FMN2: variants seen among roughly 807,000 people sequenced by gnomAD.
The protein encoded by FMN2 is formin 2.
Under a neutral mutation model 142.3 loss-of-function variants are expected in FMN2, and 51 were observed. That is an observed-to-expected ratio of 0.36 (90% confidence interval 0.29 to 0.45). The LOEUF is 0.45. Ranked by LOEUF, FMN2 falls within the 20% of genes least tolerant of loss-of-function variation. FMN2 has a pLI of 1.00. For missense variants in FMN2, 1,936 were observed against 2,122.8 expected (o/e 0.91, Z 1.73); for synonymous variants, 882 against 869.8 (o/e 1.01, Z -0.25).
At chr1:240,245,245 G>A in intron 6 of FMN2, 2 of 279,110 alleles carry the variant, frequency 7.2e-6, no homozygotes, top group Non-Finnish European at 1.4e-5. Context: ...CATTATCAGG[G>A]GCCACTAAAT....
At chr1:240,260,600 G>T (rs746570604) in intron 7 of FMN2, among the ~76,000 whole-genome samples, 1 of 151,950 alleles carries the variant, frequency 6.6e-6, no homozygotes, top group Non-Finnish European at 1.5e-5. Context: ...TGATGGAATT[G>T]TTTGTTTTCT....
intron 7 of FMN2, among the ~76,000 whole-genome samples, chr1:240,286,457 T>C (rs532746949): frequency 9.2e-5 from 14 of 152,282 alleles, no homozygotes; most frequent in African/African-American, 3.1e-4. Context: ...TTACCCTCAG[T>C]TGGACAAGTG....
chr1:240,121,681 G>T (rs534083229), intron 1 of FMN2, among the ~76,000 whole-genome samples: 2 of 131,846 alleles, frequency 1.5e-5, no homozygotes, highest in Non-Finnish European at 3.1e-5. Context: ...GAGCCACCGC[G>T]CCTGGCCCAG....
At chr1:240,332,753 A>C (rs910193926) in intron 11 of FMN2, among the ~76,000 whole-genome samples, 6 of 152,198 alleles carry the variant, frequency 3.9e-5, no homozygotes, top group African/African-American at 1.4e-4. Context: ...CTGTAAAACA[A>C]ATGTAACTAT....
At position 240,358,539 on chromosome 1, in the gene FMN2, C is replaced by G. The variant is rs755546646; in HGVS notation, c.4858+2631C>G. 7.1e-4 allele frequency among the ~76,000 whole-genome samples: 108 copies of G among 152,168 alleles called. 2 individuals are homozygous for G. Among genetic ancestry groups the G allele is most frequent in the Non-Finnish European group, 8.8e-5 (6 of 68,036 alleles). On this transcript the variant is annotated intron_variant, in intron 14 of 17. Transcript: ENST00000319653. ...AGAAAAGATCTTTAATTGACTCACA[C>G]TTCAGCACGTCTGGGGAGGCCTCAG... is the stretch of plus-strand genomic sequence containing the variant.
intron 8 of FMN2, among the ~76,000 whole-genome samples, chr1:240,301,050 T>G (rs181128419): frequency 1.3e-5 from 2 of 152,018 alleles, no homozygotes; most frequent in African/African-American, 4.8e-5. Flanking sequence ...ATTGTCAACA[T>G]TTATTGTAAT....
At chr1:240,414,818 C>T (rs1310252223) in intron 15 of FMN2, among the ~76,000 whole-genome samples, 2 of 152,154 alleles carry the variant, frequency 1.3e-5, no homozygotes, top group Admixed American at 6.5e-5. Flanking sequence ...TATTTTGACC[C>T]TGTGGTGGCA....
chr1:240,452,878 A>C (rs1676108429), intron 16 of FMN2, among the ~76,000 whole-genome samples: 1 of 152,290 alleles, frequency 6.6e-6, no homozygotes. Flanking sequence ...GAGTATGTAC[A>C]CAAGTTTATT....
At chr1:240,465,544 G>T (rs967594924) in intron 16 of FMN2, among the ~76,000 whole-genome samples, 2 of 152,054 alleles carry the variant, frequency 1.3e-5, no homozygotes, top group African/African-American at 4.8e-5. Context: ...ATCCATCTCT[G>T]CTCTATCAGA....
chr1:240,243,486 C>G (rs1667980983), intron 6 of FMN2, among the ~76,000 whole-genome samples: 2 of 152,124 alleles, frequency 1.3e-5, no homozygotes, highest in Non-Finnish European at 2.9e-5. Flanking sequence ...ATGTTTATTT[C>G]TTATCGCCTT....
chr1:240,101,210 G>T (rs765007799), intron 1 of FMN2, among the ~76,000 whole-genome samples: 3 of 152,192 alleles, frequency 2.0e-5, no homozygotes, highest in Non-Finnish European at 2.9e-5. Context: ...ATGCAATCTT[G>T]CTGGGAAGCG....
At chr1:240,420,406 C>G (rs547722347) in intron 15 of FMN2, among the ~76,000 whole-genome samples, 4 of 152,220 alleles carry the variant, frequency 2.6e-5, no homozygotes, top group Non-Finnish European at 5.9e-5. Context: ...CTGAATCGCT[C>G]CACTACATGG....
chr1:240,140,896 T>C (rs1663153113), intron 2 of FMN2, among the ~76,000 whole-genome samples: 1 of 152,216 alleles, frequency 6.6e-6, no homozygotes, highest in African/African-American at 2.4e-5. Context: ...TTCTCTTAAA[T>C]TGGCAAGTGA....
chr1:240,321,155 T>C (rs1180305208), intron 8 of FMN2, among the ~76,000 whole-genome samples: 1 of 145,570 alleles, frequency 6.9e-6, no homozygotes, highest in Non-Finnish European at 1.5e-5. Flanking sequence ...TTGAACTTGT[T>C]TTTTTTTTTT....
chr1:240,265,366 A>T (rs1047083724), intron 7 of FMN2, among the ~76,000 whole-genome samples: 3 of 152,208 alleles, frequency 2.0e-5, no homozygotes, highest in African/African-American at 7.2e-5. Flanking sequence ...TATATGCCAC[A>T]TAACAACATT....
intron 2 of FMN2, among the ~76,000 whole-genome samples, chr1:240,126,947 C>T (rs1662535722): frequency 6.6e-6 from 1 of 151,896 alleles, no homozygotes; most frequent in Non-Finnish European, 1.5e-5. Flanking sequence ...CAGAGGGGAG[C>T]CTGTGAGATG....
chr1:240,446,792 G>A (rs917126094), intron 16 of FMN2, among the ~76,000 whole-genome samples: 1 of 152,080 alleles, frequency 6.6e-6, no homozygotes, highest in East Asian at 1.9e-4. Flanking sequence ...GGAGCCAAAG[G>A]CTTCCCCATG....
chr1:240,417,431 G>GGTTTT (rs927599024), intron 15 of FMN2, among the ~76,000 whole-genome samples: 60 of 151,742 alleles, frequency 4.0e-4, no homozygotes, highest in Admixed American at 2.2e-3. Context: ...AGCTTGAGAG[G>GGTTTT]GTTTTGTTTT....
intron 7 of FMN2, among the ~76,000 whole-genome samples, chr1:240,268,131 A>G (rs1668878800): frequency 6.6e-6 from 1 of 152,048 alleles, no homozygotes; most frequent in South Asian, 2.1e-4. Context: ...TGATCTCATT[A>G]CTGGGTATAT....
Sources: allele counts gnomAD v4.1 joint callset (sites outside exome capture counted in the v4.1 genomes callset), GRCh38; gene constraint gnomAD v4.1.1; transcripts MANE v1.5; gene names NCBI Gene and HGNC (gene_info 2026-07-23, HGNC 2026-07-21).